DCAF8L2: variants seen among roughly 807,000 people sequenced by gnomAD.
DCAF8L2 encodes DDB1 and CUL4 associated factor 8 like 2, also known as DDB1- and CUL4-associated factor 8-like protein 2.
For missense variants in DCAF8L2, 430 were observed against 490.7 expected (o/e 0.88, Z 1.17); for synonymous variants, 200 against 190.9 (o/e 1.05, Z -0.39).
chrX:27,603,789 A>G (rs1926755672), intron 1 of DCAF8L2, among the ~76,000 whole-genome samples: 1 of 111,765 alleles, frequency 8.9e-6, no homozygotes, highest in African/African-American at 3.2e-5. Context: ...GGGACTTGGA[A>G]GGTTAGATAG....
In DCAF8L2 at chrX:27,634,959, C is replaced by T. The variant is rs73530638; in HGVS notation, c.-220+2959C>T. ...AAGGGATACACAAACCATGTATATA[C>T]ACACACACACACACACACACACACA... On this transcript the variant is annotated intron_variant, in intron 2 of 4. Transcript: ENST00000451261. Among the ~76,000 whole-genome samples the T allele has an allele frequency of 8.1e-4, 82 of 101,679 alleles. 1 individual carries two copies. Among genetic ancestry groups the T allele is most frequent in the African/African-American group, 1.4e-3 (39 of 26,966 alleles). 88.3% of individuals were successfully genotyped at this position (101,679 alleles called of 115,157 possible).
chrX:27,731,328 G>A (rs1264109744), intron 4 of DCAF8L2, among the ~76,000 whole-genome samples: 1 of 111,220 alleles, frequency 9.0e-6, no homozygotes, highest in Non-Finnish European at 1.9e-5. Context: ...CGAACCTGGA[G>A]ACGCGGAGGT....
In DCAF8L2 at chrX:27,749,683, A is replaced by C. The variant is rs962018797; in HGVS notation, c.*892A>C. The stretch of plus-strand genomic sequence containing the variant: ...AAGCATGTCCTATAAATGCCAGCTT[A>C]CTGATATAAAAATCTCTCATATTTG... On this transcript the variant is annotated 3_prime_UTR_variant, in exon 5 of 5. Transcript: ENST00000451261. Among the ~76,000 whole-genome samples, 2 of 112,101 alleles carry C rather than the reference A, an allele frequency of 1.8e-5. No homozygotes were observed. Among genetic ancestry groups the C allele is most frequent in the African/African-American group, 6.5e-5 (2 of 30,833 alleles).
At chrX:27,692,931 G>C (rs1218492865) in intron 3 of DCAF8L2, among the ~76,000 whole-genome samples, 3 of 111,409 alleles carry the variant, frequency 2.7e-5, no homozygotes, top group Non-Finnish European at 3.8e-5. Flanking sequence ...TGCTGAAACT[G>C]AGAAAGCTTG....
chrX:27,501,361 G>A, the DCAF8L2 span, among the ~76,000 whole-genome samples: 6 of 109,551 alleles, frequency 5.5e-5, no homozygotes, highest in South Asian at 4.0e-4. Context: ...GTGACCGATG[G>A]GTGATTGATT....
chrX:27,615,575 GA>G (rs11303163), intron 1 of DCAF8L2, among the ~76,000 whole-genome samples: 8,724 of 106,162 alleles, frequency 0.082, 688 homozygotes, highest in African/African-American at 0.26. Flanking sequence ...TATATTTTCT[GA>G]CTTGAAAAAG....
At chrX:27,623,151 C>A (rs1372868038) in intron 1 of DCAF8L2, among the ~76,000 whole-genome samples, 2 of 111,510 alleles carry the variant, frequency 1.8e-5, no homozygotes, top group East Asian at 2.8e-4. Flanking sequence ...ACATTTCACA[C>A]CACTTACTTT....
At chrX:27,565,392 T>C in the DCAF8L2 span, among the ~76,000 whole-genome samples, 5 of 111,714 alleles carry the variant, frequency 4.5e-5, no homozygotes, top group African/African-American at 1.6e-4. Flanking sequence ...ATCCTACATG[T>C]CAGAGATAAA....
intron 1 of DCAF8L2, among the ~76,000 whole-genome samples, chrX:27,620,762 T>A (rs551479395): frequency 9.0e-6 from 1 of 111,713 alleles, no homozygotes; most frequent in Non-Finnish European, 1.9e-5. Flanking sequence ...AAAACTGGTG[T>A]TCCTTCAAAA....
chrX:27,725,884 G>C (rs926968808), intron 4 of DCAF8L2, among the ~76,000 whole-genome samples: 6 of 110,508 alleles, frequency 5.4e-5, no homozygotes, highest in Non-Finnish European at 9.5e-5. Flanking sequence ...ATATAAATCA[G>C]AACCGCTGTT....
At chrX:27,626,128 A>C (rs886172983) in intron 1 of DCAF8L2, among the ~76,000 whole-genome samples, 2 of 112,040 alleles carry the variant, frequency 1.8e-5, no homozygotes, top group Non-Finnish European at 3.8e-5. Context: ...AACTTAAAAG[A>C]AGGGCTTTTT....
intron 3 of DCAF8L2, among the ~76,000 whole-genome samples, chrX:27,713,968 T>C (rs938476740): frequency 1.8e-5 from 2 of 111,717 alleles, no homozygotes; most frequent in Non-Finnish European, 3.8e-5. Context: ...AGAAAGTTCA[T>C]CCATTTTAAT....
Position 27,747,864 on chromosome X carries a change from G to A in DCAF8L2, c.969G>A (p.Lys323=). Residue 323 remains lysine, a synonymous_variant, in exon 5 of 5, where the codon AAG becomes AAA. Transcript: ENST00000451261. The part of the protein sequence containing the change: ...CVAQHRGPAH[K]LALEPDSPYK... ...CCCAGCACAGGGGACCTGCCCACAA[G>A]TTGGCTCTGGAGCCTGACTCTCCTT... The A allele has an allele frequency of 8.3e-7, 1 of 1,210,236 alleles. No individual in the cohort carries two copies. The highest frequency in any genetic ancestry group is 1.7e-5 in the African/African-American group (1 of 57,894).
intron 1 of DCAF8L2, among the ~76,000 whole-genome samples, chrX:27,624,673 T>C (rs1927929821): frequency 9.0e-6 from 1 of 110,851 alleles, no homozygotes; most frequent in Non-Finnish European, 1.9e-5. Context: ...ACCAGTAGAA[T>C]AGAATAGAGA....
chrX:27,592,874 C>G (rs1926181875), intron 1 of DCAF8L2, among the ~76,000 whole-genome samples: 1 of 109,097 alleles, frequency 9.2e-6, no homozygotes, highest in African/African-American at 3.4e-5. Flanking sequence ...TCTTGGCTCA[C>G]TGCAACCTCC....
chrX:27,512,245 T>A, the DCAF8L2 span, among the ~76,000 whole-genome samples: 1 of 111,402 alleles, frequency 9.0e-6, no homozygotes, highest in Non-Finnish European at 1.9e-5. Context: ...CACTACACCA[T>A]AGGTGGCAGA....
intron 3 of DCAF8L2, among the ~76,000 whole-genome samples, chrX:27,697,662 T>C (rs893316048): frequency 1.8e-5 from 2 of 111,451 alleles, no homozygotes; most frequent in Admixed American, 9.5e-5. Flanking sequence ...ATGTTTAATG[T>C]CTAAAAAAGA....
At chrX:27,572,494 T>C in the DCAF8L2 span, among the ~76,000 whole-genome samples, 1 of 112,171 alleles carries the variant, frequency 8.9e-6, no homozygotes, top group East Asian at 2.8e-4. Flanking sequence ...TTCATCATCA[T>C]AGGATAAATA....
chrX:27,487,665 A>C, the DCAF8L2 span, among the ~76,000 whole-genome samples: 1 of 112,434 alleles, frequency 8.9e-6, no homozygotes, highest in Non-Finnish European at 1.9e-5. Flanking sequence ...CATAAGATTC[A>C]CTGTTTTTAA....
Sources: allele counts gnomAD v4.1 joint callset (sites outside exome capture counted in the v4.1 genomes callset), GRCh38; gene constraint gnomAD v4.1.1; transcripts MANE v1.5; gene names NCBI Gene and HGNC (gene_info 2026-07-23, HGNC 2026-07-21).